The following LINGO2 variants were observed in gnomAD, a reference collection of about 807,000 sequenced individuals.
LINGO2 encodes leucine-rich repeat and immunoglobulin-like domain-containing nogo receptor-interacting protein 2.
LINGO2 carries 14 observed loss-of-function variants against 30.6 expected under a neutral mutation model. The ratio of observed to expected loss-of-function variants is 0.46; its 90% CI spans 0.30 to 0.72. LINGO2 has a LOEUF of 0.72. Ranked by LOEUF, LINGO2 falls within the 30% of genes least tolerant of loss-of-function variation. The pLI, the probability that LINGO2 is intolerant of heterozygous loss-of-function variation, is 0.07. For missense variants in LINGO2, 729 were observed against 751.7 expected (o/e 0.97, Z 0.35); for synonymous variants, 317 against 288.5 (o/e 1.10, Z -1.00).
At chr9:28,961,826 G>A in the LINGO2 span, among the ~76,000 whole-genome samples, 1 of 152,146 alleles carries the variant, frequency 6.6e-6, no homozygotes, top group African/African-American at 2.4e-5. Flanking sequence ...CCCAGGGAGT[G>A]CTAATTGGCT....
the LINGO2 span, among the ~76,000 whole-genome samples, chr9:29,028,446 G>C: frequency 4.9e-4 from 74 of 149,866 alleles, 1 homozygote; most frequent in African/African-American, 1.4e-3. Context: ...GAGAGAGAGA[G>C]ACACAGAGAG....
intron 5 of LINGO2, among the ~76,000 whole-genome samples, chr9:27,957,212 T>C (rs940272763): frequency 6.6e-6 from 1 of 152,220 alleles, no homozygotes; most frequent in Non-Finnish European, 1.5e-5. Flanking sequence ...TTCTCTTTTC[T>C]ATTCTGCTCC....
the LINGO2 span, among the ~76,000 whole-genome samples, chr9:28,959,612 T>TCTCTCTCACA: frequency 3.6e-3 from 478 of 132,188 alleles, 1 homozygote; most frequent in East Asian, 0.015. Flanking sequence ...TCTCTCTCCC[T>TCTCTCTCACA]CACACACACA....
chr9:28,299,565 G>T (rs1233574356), intron 3 of LINGO2, among the ~76,000 whole-genome samples: 2 of 151,926 alleles, frequency 1.3e-5, no homozygotes, highest in Non-Finnish European at 2.9e-5. Flanking sequence ...TATTTTATAT[G>T]TAGTTTCTTT....
the LINGO2 span, among the ~76,000 whole-genome samples, chr9:28,786,996 A>C: frequency 6.6e-6 from 1 of 152,216 alleles, no homozygotes; most frequent in Admixed American, 6.5e-5. Flanking sequence ...CATCAAAATC[A>C]GTAAGCAAAA....
the LINGO2 span, among the ~76,000 whole-genome samples, chr9:28,756,779 G>A: frequency 6.6e-6 from 1 of 151,874 alleles, no homozygotes; most frequent in Non-Finnish European, 1.5e-5. Context: ...CACCAGGTAA[G>A]ACATGCCTTC....
intron 2 of LINGO2, among the ~76,000 whole-genome samples, chr9:28,393,244 A>G (rs1245048998): frequency 1.3e-5 from 2 of 152,236 alleles, no homozygotes; most frequent in Non-Finnish European, 2.9e-5. Flanking sequence ...AAACACAAAC[A>G]CTGCCCTCAT....
the LINGO2 span, among the ~76,000 whole-genome samples, chr9:28,990,472 T>A: frequency 4.6e-5 from 7 of 152,194 alleles, no homozygotes; most frequent in Non-Finnish European, 1.0e-4. Context: ...CAGACTTAAA[T>A]GTCCCTGTCT....
At chr9:28,527,681 C>T (rs1185822285) in intron 1 of LINGO2, among the ~76,000 whole-genome samples, 1 of 152,124 alleles carries the variant, frequency 6.6e-6, no homozygotes, top group Admixed American at 6.6e-5. Context: ...CTCTGTGCTC[C>T]CTTAACACTG....
At chr9:28,752,467 A>G in the LINGO2 span, among the ~76,000 whole-genome samples, 1 of 152,082 alleles carries the variant, frequency 6.6e-6, no homozygotes, top group Non-Finnish European at 1.5e-5. Flanking sequence ...TTAAAAGGAA[A>G]TACACAAATA....
At chr9:27,944,468 T>C (rs1450404539), downstream of LINGO2, 1 of 152,150 alleles carries the variant, frequency 6.6e-6, no homozygotes, top group Non-Finnish European at 1.5e-5. Context: ...TCATGTCAAG[T>C]GTTTGCCAAA....
chr9:28,294,177 T>C (rs1242091253), intron 4 of LINGO2, among the ~76,000 whole-genome samples: 1 of 152,206 alleles, frequency 6.6e-6, no homozygotes, highest in East Asian at 1.9e-4. Flanking sequence ...AAAAGATTGT[T>C]TTCAAACACT....
the LINGO2 span, among the ~76,000 whole-genome samples, chr9:28,956,943 T>C: frequency 1.3e-5 from 2 of 151,822 alleles, no homozygotes; most frequent in African/African-American, 4.8e-5. Flanking sequence ...AACATTACCC[T>C]GGGAAACAAT....
At chr9:29,007,822 G>C in the LINGO2 span, among the ~76,000 whole-genome samples, 1 of 152,082 alleles carries the variant, frequency 6.6e-6, no homozygotes, top group African/African-American at 2.4e-5. Flanking sequence ...TGAGTATGCA[G>C]GTAGGCATAA....
intron 2 of LINGO2, among the ~76,000 whole-genome samples, chr9:28,410,546 T>C (rs970949115): frequency 1.5e-4 from 23 of 151,536 alleles, no homozygotes; most frequent in African/African-American, 5.6e-4. Context: ...AGGAATCCCA[T>C]GAGATTTCCT....
At chr9:28,548,803 T>C (rs1822104769) in intron 1 of LINGO2, among the ~76,000 whole-genome samples, 1 of 150,060 alleles carries the variant, frequency 6.7e-6, no homozygotes, top group Non-Finnish European at 1.5e-5. Flanking sequence ...GGAGTTACTA[T>C]AAAAATGTAG....
chr9:28,171,491 G>A (rs1396959658), intron 4 of LINGO2, among the ~76,000 whole-genome samples: 20 of 152,084 alleles, frequency 1.3e-4, no homozygotes, highest in Non-Finnish European at 2.8e-4. Flanking sequence ...GAAGTTGTTA[G>A]CATCACAGAG....
the LINGO2 span, among the ~76,000 whole-genome samples, chr9:28,685,308 C>T: frequency 5.9e-5 from 9 of 151,754 alleles, no homozygotes; most frequent in African/African-American, 2.2e-4. Context: ...TCTTTTTTTC[C>T]TACTCTGACC....
At chr9:28,537,255 T>C (rs1821473397) in intron 1 of LINGO2, among the ~76,000 whole-genome samples, 1 of 152,138 alleles carries the variant, frequency 6.6e-6, no homozygotes, top group African/African-American at 2.4e-5. Flanking sequence ...GACAATATAT[T>C]TCCATTGTTG....
Sources: gnomAD v4.1 joint callset for allele counts (sites outside exome capture counted in the v4.1 genomes callset) on GRCh38, gnomAD v4.1.1 for gene constraint, MANE v1.5 for transcripts, NCBI Gene and HGNC (gene_info 2026-07-23, HGNC 2026-07-21) for gene names.